NHSL2: variants seen among roughly 807,000 people sequenced by gnomAD.
NHSL2 encodes NHS like 2, also known as NHS-like protein 2.
Under a neutral mutation model 53.4 loss-of-function variants are expected in NHSL2, and 27 were observed. The ratio of observed to expected loss-of-function variants is 0.51; its 90% CI spans 0.37 to 0.70. NHSL2 has a LOEUF of 0.70. NHSL2 is among the 30% of genes least tolerant of loss of function. NHSL2 has a pLI of 0.00. For synonymous variants in NHSL2, 408 were observed against 404.1 expected (o/e 1.01, Z -0.12); for missense variants, 892 against 980.1 (o/e 0.91, Z 1.20).
chrX:72,016,872 T>G (rs2042138128), intron 1 of NHSL2, among the ~76,000 whole-genome samples: 1 of 112,302 alleles, frequency 8.9e-6, no homozygotes. Flanking sequence ...CTGGCTTGAT[T>G]ACATACCTTG....
intron 1 of NHSL2, among the ~76,000 whole-genome samples, chrX:71,974,230 T>A (rs1242159654): frequency 1.8e-5 from 2 of 111,827 alleles, no homozygotes; most frequent in African/African-American, 3.3e-5. Flanking sequence ...TGGAAAAAAA[T>A]TTTTTGGTGT....
rs1417227413 is a variant in NHSL2 at position 72,147,043 on chromosome X, C to T, written c.*3469C>T. Reference sequence around the variant, plus strand: ...TCCTACCAGGCTCTCCTAACAAGCACTGCACCTGACATCCAGTGTAACTAT... The same window carrying T: ...TCCTACCAGGCTCTCCTAACAAGCATTGCACCTGACATCCAGTGTAACTAT... On this transcript the variant is annotated 3_prime_UTR_variant, in exon 8 of 8. Transcript: ENST00000633930. The T allele has an allele frequency of 3.6e-5, 4 of 112,362 alleles. No homozygotes were observed. In the East Asian group the frequency reaches 8.3e-4, roughly 23 times the overall value. 9.3% of individuals were successfully genotyped at this position (112,362 alleles called of 1,213,427 possible).
intron 1 of NHSL2, among the ~76,000 whole-genome samples, chrX:71,955,047 C>T (rs1369469204): frequency 2.7e-5 from 3 of 112,086 alleles, no homozygotes; most frequent in Non-Finnish European, 5.6e-5. Flanking sequence ...CCTCACTTTC[C>T]TGGTGGCCAG....
intron 1 of NHSL2, among the ~76,000 whole-genome samples, chrX:71,943,109 T>TCTCTCC (rs764761043): frequency 9.0e-6 from 1 of 110,558 alleles, no homozygotes; most frequent in East Asian, 2.8e-4. Flanking sequence ...TCAGAGTCTC[T>TCTCTCC]CTCTCCCTCT....
At chrX:71,994,858 G>A (rs2042043228) in intron 1 of NHSL2, among the ~76,000 whole-genome samples, 1 of 111,862 alleles carries the variant, frequency 8.9e-6, no homozygotes, top group African/African-American at 3.3e-5. Flanking sequence ...CATACTTGCT[G>A]AGTGAGTGAG....
intron 1 of NHSL2, among the ~76,000 whole-genome samples, chrX:71,939,301 A>G (rs191150051): frequency 8.9e-6 from 1 of 111,949 alleles, no homozygotes; most frequent in Non-Finnish European, 1.9e-5. Context: ...TCCTGAGGGG[A>G]GCAGGGGACC....
intron 4 of NHSL2, among the ~76,000 whole-genome samples, chrX:72,136,607 T>G (rs770565295): frequency 8.9e-6 from 1 of 111,789 alleles, no homozygotes; most frequent in East Asian, 2.8e-4. Context: ...GGCAGCCTCT[T>G]GGAGACACTG....
chrX:71,950,813 A>C (rs761673790), intron 1 of NHSL2, among the ~76,000 whole-genome samples: 1 of 111,642 alleles, frequency 9.0e-6, no homozygotes, highest in South Asian at 3.7e-4. Flanking sequence ...GTCACACCCT[A>C]CTGATTTCTG....
intron 1 of NHSL2, among the ~76,000 whole-genome samples, chrX:71,924,285 A>G (rs1374424614): frequency 9.2e-6 from 1 of 109,112 alleles, no homozygotes; most frequent in East Asian, 2.9e-4. Flanking sequence ...CTTCCGGAAA[A>G]CTCTTATTCA....
At chrX:72,077,596 G>A (rs2041755309) in intron 1 of NHSL2, among the ~76,000 whole-genome samples, 1 of 112,013 alleles carries the variant, frequency 8.9e-6, no homozygotes, top group African/African-American at 3.2e-5. Flanking sequence ...CTGAGTTGGG[G>A]GAACAAAAGA....
chrX:72,062,098 T>C (rs1286167104), intron 1 of NHSL2, among the ~76,000 whole-genome samples: 1 of 112,384 alleles, frequency 8.9e-6, no homozygotes, highest in Non-Finnish European at 1.9e-5. Context: ...ATAAAATCTA[T>C]TGAATGAATG....
chrX:71,990,030 A>G (rs2042020493), intron 1 of NHSL2, among the ~76,000 whole-genome samples: 1 of 112,613 alleles, frequency 8.9e-6, no homozygotes, highest in Non-Finnish European at 1.9e-5. Flanking sequence ...GCTGACTCAG[A>G]CCATTGTTCT....
intron 1 of NHSL2, among the ~76,000 whole-genome samples, chrX:72,005,761 C>G (rs775414340): frequency 8.9e-6 from 1 of 111,841 alleles, no homozygotes; most frequent in Admixed American, 9.4e-5. Flanking sequence ...CCCAGAAGCC[C>G]ATAATGTAGC....
chrX:71,977,235 G>A (rs1309180796), intron 1 of NHSL2, among the ~76,000 whole-genome samples: 1 of 111,505 alleles, frequency 9.0e-6, no homozygotes, highest in African/African-American at 3.3e-5. Context: ...GTTATGTCTC[G>A]TTTTCTCATC....
At chrX:72,017,379 G>T (rs1362883302) in intron 1 of NHSL2, among the ~76,000 whole-genome samples, 1 of 112,917 alleles carries the variant, frequency 8.9e-6, no homozygotes, top group African/African-American at 3.2e-5. Flanking sequence ...GGCAGCAGGT[G>T]CTCGCAGCCA....
chrX:72,133,911 C>A, intron 2 of NHSL2, 180 bp from the exon 3 acceptor site: 1 of 437,298 alleles, frequency 2.3e-6, no homozygotes, highest in Non-Finnish European at 3.9e-6. Flanking sequence ...TCCTCATGGT[C>A]CTGGGAAGCA....
chrX:71,912,782 A>C (rs1180258970), intron 1 of NHSL2, among the ~76,000 whole-genome samples: 1 of 111,874 alleles, frequency 8.9e-6, no homozygotes, highest in Non-Finnish European at 1.9e-5. Flanking sequence ...AAATTTGATA[A>C]GTCAGCTTGA....
At chrX:71,913,385 G>T (rs1312107793) in intron 1 of NHSL2, among the ~76,000 whole-genome samples, 4 of 112,029 alleles carry the variant, frequency 3.6e-5, no homozygotes, top group African/African-American at 1.3e-4. Context: ...CGTAATCAGT[G>T]CACCATCTGG....
At chrX:71,980,796 TA>T (rs2041975083) in intron 1 of NHSL2, among the ~76,000 whole-genome samples, 3 of 111,273 alleles carry the variant, frequency 2.7e-5, no homozygotes, top group Non-Finnish European at 5.6e-5. Context: ...TGATCAGCTA[TA>T]AAAGGAGGAT....
Sources: gnomAD v4.1 joint callset for allele counts (sites outside exome capture counted in the v4.1 genomes callset) on GRCh38, gnomAD v4.1.1 for gene constraint, MANE v1.5 for transcripts, NCBI Gene and HGNC (gene_info 2026-07-23, HGNC 2026-07-21) for gene names.